CSMD2: variants seen among roughly 807,000 people sequenced by gnomAD.
The protein encoded by CSMD2 is CUB and sushi domain-containing protein 2.
CSMD2 carries 130 observed loss-of-function variants against 398.5 expected under a neutral mutation model. The observed-to-expected ratio is 0.33, with a 90% confidence interval of 0.28 to 0.38. The LOEUF (loss-of-function observed/expected upper bound fraction) is 0.38, where lower values mean the gene tolerates loss of function less well. Ranked by LOEUF, CSMD2 falls within the 10% of genes least tolerant of loss-of-function variation. The pLI is 1.00. For synonymous variants in CSMD2, 1,828 were observed against 1,908.5 expected (o/e 0.96, Z 1.10); for missense variants, 3,829 against 4,764.9 (o/e 0.80, Z 5.78).
intron 67 of CSMD2, among the ~76,000 whole-genome samples, chr1:33,522,921 C>G (rs932240211): frequency 3.3e-5 from 5 of 152,228 alleles, no homozygotes; most frequent in South Asian, 2.1e-4. Context: ...AATCTGCATC[C>G]TCAAGTGTGA....
At chr1:33,833,663 A>G (rs2125043888) in intron 6 of CSMD2, among the ~76,000 whole-genome samples, 1 of 150,992 alleles carries the variant, frequency 6.6e-6, no homozygotes, top group African/African-American at 2.4e-5. Context: ...GCAATCAGGC[A>G]GGAGAAGGAA....
At chr1:33,973,696 G>T (rs144686399) in intron 3 of CSMD2, among the ~76,000 whole-genome samples, 1 of 152,174 alleles carries the variant, frequency 6.6e-6, no homozygotes, top group Non-Finnish European at 1.5e-5. Context: ...CCTTTAGCAC[G>T]TAAGAGCTGG....
rs201168649 is a variant in CSMD2, at chr1:33,570,009, G to C, written c.7958-462C>G. ...AGCCTCTGGCTGATGTATGAGGTGAGGCCTAATCGCCAAGGCTGCACTGAA... is the reference window on the plus strand; with the variant it reads ...AGCCTCTGGCTGATGTATGAGGTGACGCCTAATCGCCAAGGCTGCACTGAA... On this transcript the variant is annotated intron_variant, in intron 51 of 70. Transcript: ENST00000373381. Among the ~76,000 whole-genome samples, 6 of 152,174 alleles carry C rather than the reference G, an allele frequency of 3.9e-5. No individual in the cohort carries two copies. In the East Asian group the frequency reaches 1.2e-3, roughly 29 times the overall value.
chr1:33,990,496 C>T (rs1240352041), intron 3 of CSMD2, among the ~76,000 whole-genome samples: 2 of 152,140 alleles, frequency 1.3e-5, no homozygotes, highest in East Asian at 1.9e-4. Context: ...CCTCACCCCA[C>T]ACTTTCTGCA....
chr1:34,044,188 A>G (rs1652214294), intron 2 of CSMD2, among the ~76,000 whole-genome samples: 1 of 152,082 alleles, frequency 6.6e-6, no homozygotes, highest in African/African-American at 2.4e-5. Context: ...ATACAACCAG[A>G]TTTTTCTGGA....
Position 33,515,627 on chromosome 1 carries a change from CTACAGG to C in CSMD2, c.*991_*996del, listed in dbSNP as rs1653694731. ...GGTGTTATTGTGCAGACTAGAAATA[CTACAGG>C]TAAAGTGTCAGGCACAGAGAATAAC... is the stretch of plus-strand genomic sequence containing the variant. On this transcript the variant is annotated 3_prime_UTR_variant, in exon 71 of 71. Coordinates refer to ENST00000373381, the MANE Select transcript of CSMD2 (RefSeq NM_001281956.2). The C allele has an allele frequency of 6.6e-6, 1 of 152,200 alleles. No homozygotes were observed. Among genetic ancestry groups the C allele is most frequent in the Non-Finnish European group, 1.5e-5 (1 of 68,026 alleles). 9.4% of individuals were successfully genotyped at this position (152,200 alleles called of 1,614,324 possible). A position where few individuals can be genotyped will look rare whatever the true frequency, so the allele number is the denominator to read the frequency against.
intron 51 of CSMD2, among the ~76,000 whole-genome samples, chr1:33,570,665 T>C (rs1659515830): frequency 6.6e-6 from 1 of 152,160 alleles, no homozygotes; most frequent in East Asian, 1.9e-4. Context: ...AGGGACTTAT[T>C]TCCCCAGCTG....
chr1:33,899,272 C>T (rs1432090749), intron 5 of CSMD2, among the ~76,000 whole-genome samples: 2 of 151,992 alleles, frequency 1.3e-5, no homozygotes, highest in African/African-American at 4.8e-5. Context: ...ATCAACCAAC[C>T]ACAGCCCAAG....
intron 40 of CSMD2, among the ~76,000 whole-genome samples, chr1:33,613,435 G>A (rs970653009): frequency 2.0e-5 from 3 of 152,138 alleles, no homozygotes; most frequent in East Asian, 1.9e-4. Context: ...GGGCGTCATC[G>A]CTTTGCTCCC....
chr1:33,903,807 C>G (rs186289852), intron 5 of CSMD2, among the ~76,000 whole-genome samples: 113 of 152,238 alleles, frequency 7.4e-4, no homozygotes, highest in African/African-American at 2.6e-3. Context: ...GCTGCATGGA[C>G]GGGAAAGTCT....
chr1:33,533,695 G>C lies in CSMD2; in HGVS notation c.9991+101C>G, dbSNP rs938680878. On this transcript the variant is annotated intron_variant, in intron 63 of 70. Transcript: ENST00000373381. This position sits in a 1 kb window ranked among gnomAD's most constrained non-coding sequence, Gnocchi z 4.2. ...AGAGACCGATGTCGGTTCGCATGGG[G>C]AGTTGTGAACTCCCTGTCATTCAGA... 9.5e-6 allele frequency: 7 copies of C among 738,706 alleles called. No homozygotes were observed. Among genetic ancestry groups the C allele is most frequent in the Non-Finnish European group, 1.4e-5 (6 of 419,596 alleles). The allele number at this position is 738,706 out of a possible 1,614,324, so 45.8% of individuals were successfully genotyped here.
At position 33,693,687 on chromosome 1, in the gene CSMD2, C is replaced by T. The variant is rs1452708778; in HGVS notation, c.3926-631G>A. On this transcript the variant is annotated intron_variant, in intron 24 of 70. Transcript: ENST00000373381. ...ATAGTTATCAAAAAGTGGAAACAAC[C>T]CAAATGTCTATCAACTGATGAATGA... Among the ~76,000 whole-genome samples the T allele has an allele frequency of 3.3e-5, 5 of 152,086 alleles. 1 individual carries two copies. The highest frequency in any genetic ancestry group is 2.0e-4 in the Admixed American group (3 of 15,280).
At chr1:33,692,872 C>T (rs12757315) in intron 25 of CSMD2, 58 bp downstream of exon 25, 600,590 of 1,593,586 alleles carry the variant, frequency 0.38, 115,459 homozygotes, top group Middle Eastern at 0.52. Context: ...GGTGATGATG[C>T]TGATGATGGC....
At chr1:33,673,972 GA>G (rs1211329203) in intron 25 of CSMD2, among the ~76,000 whole-genome samples, 1 of 152,198 alleles carries the variant, frequency 6.6e-6, no homozygotes, top group African/African-American at 2.4e-5. Context: ...ACTAAACATG[GA>G]AAGGAACAAC....
At chr1:33,940,727 C>T (rs1317692034) in intron 3 of CSMD2, among the ~76,000 whole-genome samples, 1 of 152,166 alleles carries the variant, frequency 6.6e-6, no homozygotes, top group African/African-American at 2.4e-5. Context: ...ATAGTGGGTG[C>T]TTAATAAACA....
intron 5 of CSMD2, among the ~76,000 whole-genome samples, chr1:33,869,974 G>T (rs1640338839): frequency 6.6e-6 from 1 of 152,216 alleles, no homozygotes; most frequent in Non-Finnish European, 1.5e-5. Context: ...TTCCAACAGA[G>T]AAGTTGGTAT....
At position 33,613,905 on chromosome 1, in the gene CSMD2, C is replaced by A. The variant is rs561575933; in HGVS notation, c.6133+599G>T. Among the ~76,000 whole-genome samples, 149 of 152,310 alleles carry A rather than the reference C, an allele frequency of 9.8e-4. 2 individuals are homozygous for A. Among genetic ancestry groups the A allele is most frequent in the South Asian group, 7.3e-3 (35 of 4,824 alleles). On this transcript the variant is annotated intron_variant, in intron 40 of 70. Transcript: ENST00000373381. ...CACACTGATGTCCTCCACACCCTGA[C>A]AACCTCCCATGCCTAGCATACTCCA...
rs1558366364 is a variant in CSMD2, at chr1:34,089,213, C to T, written c.188-20G>A. The T allele has an allele frequency of 1.2e-6, 2 of 1,607,940 alleles. No individual in the cohort carries two copies. Among genetic ancestry groups the T allele is most frequent in the Non-Finnish European group, 1.7e-6 (2 of 1,174,986 alleles). On this transcript the variant is annotated intron_variant, in intron 1 of 70. Coordinates refer to ENST00000373381, the MANE Select transcript of CSMD2 (RefSeq NM_001281956.2). ...TCTGGCCTGGGAAAGAGAAATGGAGCAGTTCAGAATAGCCAGAATAACTCC... is the reference window on the plus strand; with the variant it reads ...TCTGGCCTGGGAAAGAGAAATGGAGTAGTTCAGAATAGCCAGAATAACTCC...
intron 6 of CSMD2, among the ~76,000 whole-genome samples, chr1:33,844,904 A>G (rs1273255852): frequency 6.6e-6 from 1 of 152,232 alleles, no homozygotes; most frequent in Non-Finnish European, 1.5e-5. Flanking sequence ...GAAGTTTGCA[A>G]CTAAAACAGT....
Sources: allele counts gnomAD v4.1 joint callset (sites outside exome capture counted in the v4.1 genomes callset), GRCh38; gene constraint gnomAD v4.1.1; non-coding constraint Gnocchi (gnomAD v3.1); transcripts MANE v1.5; gene names NCBI Gene and HGNC (gene_info 2026-07-23, HGNC 2026-07-21).